Variants in CDNF observed in about 807,000 individuals in gnomAD.
CDNF encodes ARMET-like protein 1.
CDNF carries 9 observed loss-of-function variants against 14.8 expected under a neutral mutation model. The observed-to-expected ratio is 0.61, with a 90% CI of 0.37 to 1.06. The LOEUF (loss-of-function observed/expected upper bound fraction) is 1.06, where lower values mean the gene tolerates loss of function less well. Among genes scored for constraint, CDNF ranks in the 50% least tolerant of loss-of-function variants. The probability of loss-of-function intolerance (pLI) is 0.01; values close to 1 mark genes in which losing one functional copy is unlikely to be tolerated. For missense variants in CDNF, 228 were observed against 228.4 expected (o/e 1.00, Z 0.01); for synonymous variants, 86 against 87.2 (o/e 0.99, Z 0.07).
intron 3 of CDNF, among the ~76,000 whole-genome samples, chr10:14,821,612 C>T (rs1833739492): frequency 6.6e-6 from 1 of 152,118 alleles, no homozygotes; most frequent in African/African-American, 2.4e-5. Flanking sequence ...TGCACAGGTA[C>T]TGAAGGACAA....
Position 14,820,008 on chromosome 10 carries a change from G to T in CDNF, c.536C>A (p.Ala179Glu). ...NLIQELAPKYAATHPKTEL is the reference protein window; with the variant it reads ...NLIQELAPKYEATHPKTEL ...GAGCTCTGTTTTGGGGTGTGTCGCT[G>T]CATACTTGGGGGCCAGCTCTTGAAT... The change falls in exon 4 of 4, where the codon GCA becomes GAA. Residue 179 changes from alanine to glutamate, a missense_variant. Physicochemically the swap from Ala to Glu is moderately radical, Grantham distance 107. Transcript: ENST00000465530. The T allele has an allele frequency of 1.9e-6, 3 of 1,613,932 alleles. No individual in the cohort carries two copies. The highest frequency in any genetic ancestry group is 2.5e-6 in the Non-Finnish European group (3 of 1,179,978).
At chr10:14,830,773 G>A (rs1298803406) in intron 1 of CDNF, among the ~76,000 whole-genome samples, 1 of 149,652 alleles carries the variant, frequency 6.7e-6, no homozygotes, top group Non-Finnish European at 1.5e-5. Context: ...TTGAACCCGG[G>A]AGGCGGAGGT....
chr10:14,837,981 GCGCCCAC>G lies in CDNF; in HGVS notation c.-42_-36del. ...GCAGCTTCAATCGCCTCCGCCACCC[GCGCCCAC>G]CGCCCACCAAGCTGCCAAAGCGAGC... On this transcript the variant is annotated 5_prime_UTR_variant, in exon 1 of 4. Coordinates refer to ENST00000465530, the MANE Select transcript of CDNF (RefSeq NM_001029954.3). The G allele has an allele frequency of 1.3e-6, 2 of 1,481,824 alleles. No individual in the cohort carries two copies. The highest frequency in any genetic ancestry group is 1.8e-6 in the Non-Finnish European group (2 of 1,086,780). The allele number at this position is 1,481,824 out of a possible 1,614,324, so 91.8% of individuals were successfully genotyped here.
Position 14,832,880 on chromosome 10 carries a change from G to A in CDNF, c.116-4608C>T, listed in dbSNP as rs1286996075. Among the ~76,000 whole-genome samples, 9 of 103,014 alleles carry A rather than the reference G, an allele frequency of 8.7e-5. No homozygotes were observed. The Admixed American group carries it at 1.1e-3, about 13-fold the overall frequency. The allele number at this position is 103,014 out of a possible 152,430, so 67.6% of individuals were successfully genotyped here. ...TTTTTTTTTTTTTTTTTTTTTTTGA[G>A]ACAGAATCTCGCTGTGTTGCCCAGG... On this transcript the variant is annotated intron_variant, in intron 1 of 3. Transcript: ENST00000465530.
At chr10:14,826,939 G>T (rs910348854) in intron 2 of CDNF, among the ~76,000 whole-genome samples, 6 of 151,186 alleles carry the variant, frequency 4.0e-5, no homozygotes, top group African/African-American at 1.2e-4. Context: ...ACGTTGGCTG[G>T]GCACAGTGGC....
intron 1 of CDNF, among the ~76,000 whole-genome samples, chr10:14,831,704 A>G (rs1833845356): frequency 2.0e-5 from 3 of 151,916 alleles, no homozygotes; most frequent in Admixed American, 1.3e-4. Flanking sequence ...ACTCCTGAGT[A>G]GCTGGGACTA....
In CDNF at chr10:14,837,846, C is replaced by T. The variant is rs1292615464; in HGVS notation, c.101G>A (p.Gly34Glu). Reference sequence around the variant, plus strand: ...ACACCGCTCACCTTCACAGTCGGCCCCTGGCCGCCCCCCGGCCTCCTGGCC... The same window carrying T: ...ACACCGCTCACCTTCACAGTCGGCCTCTGGCCGCCCCCCGGCCTCCTGGCC... The part of the protein sequence containing the change: ...TQGQEAGGRP[G>E]ADCEVCKEFL... The change falls in exon 1 of 4, where the codon GGG becomes GAG. Residue 34 changes from glycine to glutamate, a missense_variant. Physicochemically the swap from Gly to Glu is moderately conservative, Grantham distance 98 (BLOSUM62 -2). Coordinates refer to ENST00000465530, the MANE Select transcript of CDNF (RefSeq NM_001029954.3). The T allele has an allele frequency of 1.3e-6, 2 of 1,592,540 alleles. No homozygotes were observed. Among genetic ancestry groups the T allele is most frequent in the Non-Finnish European group, 8.5e-7 (1 of 1,171,942 alleles).
At position 14,837,901 on chromosome 10, in the gene CDNF, G is replaced by C. The variant is rs1833908967; in HGVS notation, c.46C>G (p.Leu16Val). 6.2e-7 allele frequency: 1 copy of C among 1,607,454 alleles called. No homozygotes were observed. The highest frequency in any genetic ancestry group is 8.5e-7 in the Non-Finnish European group (1 of 1,178,452). Residue 16 changes from leucine (L) to valine (V), a missense_variant, in exon 1 of 4, where the codon CTT becomes GTT. Coordinates refer to ENST00000465530, the MANE Select transcript of CDNF (RefSeq NM_001029954.3). ...PVAVVAFCAGLLVSHPVLTQG... is the reference protein window; with the variant it reads ...PVAVVAFCAGVLVSHPVLTQG... ...GTCAGCACCGGGTGAGAGACCAAAA[G>C]CCCGGCGCAAAAGGCCACCACAGCA...
Position 14,819,817 on chromosome 10 carries a change from T to C in CDNF, c.*163A>G, listed in dbSNP as rs1564311533. 2.1e-5 allele frequency: 14 copies of C among 667,212 alleles called. No homozygotes were observed. The highest frequency in any genetic ancestry group is 2.5e-6 in the Non-Finnish European group (1 of 396,318). The allele number at this position is 667,212 out of a possible 1,614,324, so 41.3% of individuals were successfully genotyped here. ...AATGTAAGTTATCAGTAGTATTAGT[T>C]TCACTCATAAACCCACGTAACAAAA... is the stretch of plus-strand genomic sequence containing the variant. On this transcript the variant is annotated 3_prime_UTR_variant, in exon 4 of 4. Coordinates refer to ENST00000465530, the MANE Select transcript of CDNF (RefSeq NM_001029954.3).
chr10:14,826,026 A>AAGG (rs879821706), intron 2 of CDNF, among the ~76,000 whole-genome samples: 1 of 113,260 alleles, frequency 8.8e-6, no homozygotes, highest in Admixed American at 9.5e-5. Context: ...GAAGAAGAAG[A>AAGG]AGGAGAAGAA....
At chr10:14,836,196 G>A (rs1481180554) in intron 1 of CDNF, 1 of 152,166 alleles carries the variant, frequency 6.6e-6, no homozygotes, top group African/African-American at 2.4e-5. Context: ...TGAGGAGGGA[G>A]GATCACTCAT....
chr10:14,835,312 T>C (rs1833877593), intron 1 of CDNF, among the ~76,000 whole-genome samples: 1 of 152,002 alleles, frequency 6.6e-6, no homozygotes, highest in African/African-American at 2.4e-5. Flanking sequence ...AGCAGAACCC[T>C]GGAAAATTCT....
intron 1 of CDNF, chr10:14,834,292 GACTGTTCC>G (rs2131628547): frequency 6.6e-6 from 1 of 152,034 alleles, no homozygotes; most frequent in South Asian, 2.1e-4. Flanking sequence ...AGTGAGCTGA[GACTGTTCC>G]ACTGTACTCC....
At chr10:14,829,015 A>G (rs1833822331) in intron 1 of CDNF, among the ~76,000 whole-genome samples, 1 of 152,170 alleles carries the variant, frequency 6.6e-6, no homozygotes, top group African/African-American at 2.4e-5. Flanking sequence ...ACAGAGTGAG[A>G]CCCTGTCTCA....
At chr10:14,833,878 T>C (rs577267195) in intron 1 of CDNF, among the ~76,000 whole-genome samples, 1 of 152,276 alleles carries the variant, frequency 6.6e-6, no homozygotes, top group Non-Finnish European at 1.5e-5. Flanking sequence ...CTGAGTGTTA[T>C]TCCAAAAGGC....
chr10:14,819,945 C>G lies in CDNF; in HGVS notation c.*35G>C. On this transcript the variant is annotated 3_prime_UTR_variant, in exon 4 of 4. Transcript: ENST00000465530. ...ATATCCTAGAGAGTCACTTTTCTCT[C>G]TAATTACAAGTCACAAATGTGCTGG... 1.9e-6 allele frequency: 3 copies of G among 1,592,750 alleles called. No homozygotes were observed. Among genetic ancestry groups the G allele is most frequent in the Non-Finnish European group, 2.6e-6 (3 of 1,168,570 alleles).
In CDNF at chr10:14,827,601, C is replaced by T. The variant is rs530749378; in HGVS notation, c.243+544G>A. Among the ~76,000 whole-genome samples, 6 of 152,012 alleles carry T rather than the reference C, an allele frequency of 3.9e-5. No homozygotes were observed. In the South Asian group the frequency reaches 8.3e-4, roughly 21 times the overall value. On this transcript the variant is annotated intron_variant, in intron 2 of 3. Coordinates refer to ENST00000465530, the MANE Select transcript of CDNF (RefSeq NM_001029954.3). ...AGTTTCATAATTTCATTTAAGAAAA[C>T]GTAGAATTGGGCTGGGCATGGTAGC...
In CDNF at chr10:14,820,171, A is replaced by G; in HGVS notation, c.386-13T>C. 1 of 1,606,310 alleles carries G rather than the reference A, an allele frequency of 6.2e-7. No homozygotes were observed. On this transcript the variant is annotated splice_polypyrimidine_tract_variant and intron_variant, in intron 3 of 3. Transcript: ENST00000465530. ...TCCAGTGTTTTTTCTAAATGGCAAA[A>G]AGGAAAAAAGCCAATTACAAAATAA...
intron 1 of CDNF, among the ~76,000 whole-genome samples, chr10:14,835,016 G>C (rs1052116737): frequency 6.6e-6 from 1 of 152,136 alleles, no homozygotes; most frequent in African/African-American, 2.4e-5. Context: ...GAGAAGTCTA[G>C]AATCTAGGCT....
Sources: allele counts gnomAD v4.1 joint callset (sites outside exome capture counted in the v4.1 genomes callset), GRCh38; gene constraint gnomAD v4.1.1; transcripts MANE v1.5; gene names NCBI Gene and HGNC (gene_info 2026-07-23, HGNC 2026-07-21).